The following DMD variants were observed in gnomAD, a reference collection of about 807,000 sequenced individuals.
DMD encodes dystrophin.
A neutral mutation model predicts 330.1 loss-of-function variants in DMD; 63 were observed. The observed-to-expected ratio is 0.19, with a 90% CI of 0.16 to 0.24. The LOEUF (loss-of-function observed/expected upper bound fraction) is 0.24. DMD is among the 10% of genes least tolerant of loss of function. The pLI is 1.00. For synonymous variants in DMD, 1,223 were observed against 959.8 expected, an observed-to-expected ratio of 1.27 and a Z score of -5.07; for missense variants, 3,344 against 2,684.1, an observed-to-expected ratio of 1.25 and a Z score of -5.43.
chrX:31,221,833 A>G (rs922852505), intron 64 of DMD, among the ~76,000 whole-genome samples: 1 of 111,962 alleles, frequency 8.9e-6, no homozygotes, highest in African/African-American at 3.3e-5. Flanking sequence ...AGGCGGGTGA[A>G]TCACCTGAGG....
At chrX:32,416,183 A>AG (rs1327658167) in intron 29 of DMD, among the ~76,000 whole-genome samples, 6 of 112,377 alleles carry the variant, frequency 5.3e-5, no homozygotes, top group Non-Finnish European at 7.5e-5. Flanking sequence ...AATTAGAAAA[A>AG]AAATCATTTA....
chrX:32,209,608 G>T (rs185834314), intron 44 of DMD, among the ~76,000 whole-genome samples: 35 of 111,308 alleles, frequency 3.1e-4, no homozygotes, highest in African/African-American at 1.1e-3. Context: ...ATGATGGTGC[G>T]CAGTTTTGTT....
intron 1 of DMD, among the ~76,000 whole-genome samples, chrX:33,050,240 T>C (rs2094440723): frequency 9.0e-6 from 1 of 111,731 alleles, no homozygotes; most frequent in African/African-American, 3.3e-5. Context: ...AATTTTTTCA[T>C]GTGATAAGTG....
chrX:32,993,538 G>A (rs1442422659), intron 2 of DMD, among the ~76,000 whole-genome samples: 1 of 109,240 alleles, frequency 9.2e-6, no homozygotes, highest in Non-Finnish European at 1.9e-5. Context: ...AGGAGGCAGA[G>A]GTTGCAGTGA....
intron 21 of DMD, among the ~76,000 whole-genome samples, chrX:32,475,499 T>G (rs1388385049): frequency 8.9e-6 from 1 of 112,026 alleles, no homozygotes; most frequent in East Asian, 2.8e-4. Context: ...TGGGATGTGT[T>G]TTCATTTGTT....
At chrX:31,520,311 TGA>T (rs2072627756) in intron 55 of DMD, among the ~76,000 whole-genome samples, 1 of 110,536 alleles carries the variant, frequency 9.0e-6, no homozygotes, top group South Asian at 3.9e-4. Flanking sequence ...CATGTGATAG[TGA>T]GTGAGTTCTC....
intron 34 of DMD, among the ~76,000 whole-genome samples, chrX:32,370,662 C>T (rs1025974586): frequency 9.1e-6 from 1 of 109,525 alleles, no homozygotes; most frequent in African/African-American, 3.3e-5. Flanking sequence ...TATTTCACTT[C>T]ACAGATAAAT....
intron 16 of DMD, among the ~76,000 whole-genome samples, chrX:32,555,366 C>A (rs2050181279): frequency 9.0e-6 from 1 of 111,591 alleles, no homozygotes; most frequent in Non-Finnish European, 1.9e-5. Context: ...AAGCATTCCC[C>A]CTGAAAACTG....
chrX:32,682,011 C>T (rs1227850954), intron 9 of DMD, among the ~76,000 whole-genome samples: 1 of 111,358 alleles, frequency 9.0e-6, no homozygotes, highest in Non-Finnish European at 1.9e-5. Flanking sequence ...GCTAGTAGGC[C>T]AGTGTATCTG....
intron 7 of DMD, among the ~76,000 whole-genome samples, chrX:32,718,702 T>C (rs954831396): frequency 1.6e-4 from 18 of 112,169 alleles, no homozygotes; most frequent in African/African-American, 5.8e-4. Context: ...AGAACAAAGA[T>C]TAAATATTAC....
intron 2 of DMD, among the ~76,000 whole-genome samples, chrX:32,866,734 T>TGGGGG (rs757998939): frequency 1.6e-4 from 1 of 6,102 alleles, no homozygotes; most frequent in African/African-American, 7.9e-4. Context: ...TGGGGGGGGG[T>TGGGGG]GGGGGGGTGG....
At chrX:31,832,906 G>C (rs990353374) in intron 49 of DMD, among the ~76,000 whole-genome samples, 6 of 111,634 alleles carry the variant, frequency 5.4e-5, no homozygotes, top group Admixed American at 9.6e-5. Context: ...ATGAATACAA[G>C]AAAATGGCAC....
intron 67 of DMD, among the ~76,000 whole-genome samples, chrX:31,191,904 G>A (rs1313420894): frequency 3.6e-5 from 4 of 112,246 alleles, no homozygotes; most frequent in African/African-American, 6.5e-5. Context: ...TCTAGCCCTC[G>A]TTATAAAAAG....
rs138701912 is a variant in DMD at position 32,274,081 on chromosome X, C to T, written c.6290+13448G>A. On this transcript the variant is annotated intron_variant, in intron 43 of 78. Coordinates refer to ENST00000357033, the MANE Select transcript of DMD (RefSeq NM_004006.3). ...TGTGAAATGACAAAACCAAGAAATA[C>T]ACAATGAATAAAGTCAAATATTAAT... Among the ~76,000 whole-genome samples the T allele has an allele frequency of 2.7e-5, 3 of 111,873 alleles. No homozygotes were observed. In the East Asian group the frequency reaches 8.5e-4, roughly 32 times the overall value.
At chrX:32,732,203 G>A (rs762798121) in intron 7 of DMD, among the ~76,000 whole-genome samples, 1 of 110,952 alleles carries the variant, frequency 9.0e-6, no homozygotes, top group Non-Finnish European at 1.9e-5. Context: ...GAGAAGGGAA[G>A]TTTAGAGGAA....
intron 43 of DMD, among the ~76,000 whole-genome samples, chrX:32,284,688 C>G (rs1416718415): frequency 8.9e-6 from 1 of 112,046 alleles, no homozygotes; most frequent in Non-Finnish European, 1.9e-5. Context: ...AAGAGACTTG[C>G]TCAAGGGCAC....
At chrX:33,039,090 G>A (rs1379149043) in intron 1 of DMD, among the ~76,000 whole-genome samples, 2 of 111,910 alleles carry the variant, frequency 1.8e-5, no homozygotes, top group South Asian at 3.7e-4. Context: ...ATTGACACCC[G>A]TAGCCTATGG....
At chrX:31,862,706 C>T (rs763863974) in intron 48 of DMD, among the ~76,000 whole-genome samples, 1 of 112,197 alleles carries the variant, frequency 8.9e-6, no homozygotes, top group South Asian at 3.7e-4. Flanking sequence ...TTTTATTTTA[C>T]CCATTAAATG....
At chrX:33,084,943 C>A (rs2094983136) in intron 1 of DMD, among the ~76,000 whole-genome samples, 1 of 110,521 alleles carries the variant, frequency 9.0e-6, no homozygotes, top group Admixed American at 9.7e-5. Context: ...CTTTATTTTA[C>A]CATAAACAAA....
Sources: allele counts gnomAD v4.1 joint callset (sites outside exome capture counted in the v4.1 genomes callset), GRCh38; gene constraint gnomAD v4.1.1; transcripts MANE v1.5; gene names NCBI Gene and HGNC (gene_info 2026-07-23, HGNC 2026-07-21).